Variants in DNMT3B observed in about 807,000 individuals in gnomAD.
DNMT3B encodes the protein DNA (cytosine-5)-methyltransferase 3B.
In DNMT3B, 37 loss-of-function variants were observed where a neutral mutation model predicts 120.2. The observed-to-expected ratio is 0.31, with a 90% confidence interval of 0.24 to 0.40. The LOEUF is 0.40. Among genes scored for constraint, DNMT3B ranks in the 10% least tolerant of loss-of-function variants. DNMT3B has a pLI of 1.00. For synonymous variants in DNMT3B, 412 were observed against 442.8 expected (o/e 0.93, Z 0.87); for missense variants, 878 against 1,137.3 (o/e 0.77, Z 3.28).
intron 17 of DNMT3B, among the ~76,000 whole-genome samples, chr20:32,800,598 A>G (rs1981214087): frequency 6.6e-6 from 1 of 152,174 alleles, no homozygotes; most frequent in Non-Finnish European, 1.5e-5. Context: ...TGCTGGGATT[A>G]CAGGCACCTG....
intron 1 of DNMT3B, among the ~76,000 whole-genome samples, chr20:32,773,189 G>A (rs113976970): frequency 0.019 from 2,886 of 151,050 alleles, 75 homozygotes; most frequent in African/African-American, 0.059. Flanking sequence ...TCACTGCGAC[G>A]TCCACCTCCC....
At chr20:32,768,215 G>C (rs1987502660) in intron 1 of DNMT3B, among the ~76,000 whole-genome samples, 1 of 140,770 alleles carries the variant, frequency 7.1e-6, no homozygotes, top group African/African-American at 2.7e-5. Context: ...TTTTTTTGGA[G>C]ATGGAGTTTC....
chr20:32,788,784 T>C, intron 6 of DNMT3B, 70 bp from the exon 7 acceptor site: 1 of 1,597,950 alleles, frequency 6.3e-7, no homozygotes, highest in Non-Finnish European at 8.6e-7. Flanking sequence ...TCAGGGACAG[T>C]GGAGTGGACA....
intron 20 of DNMT3B, among the ~76,000 whole-genome samples, chr20:32,804,937 C>A (rs1981800234): frequency 6.6e-6 from 1 of 152,080 alleles, no homozygotes; most frequent in South Asian, 2.1e-4. Flanking sequence ...ATAATTGTAT[C>A]AGGTAGACCC....
intron 1 of DNMT3B, among the ~76,000 whole-genome samples, chr20:32,777,534 C>G (rs1988127286): frequency 6.6e-6 from 1 of 152,174 alleles, no homozygotes; most frequent in South Asian, 2.1e-4. Context: ...GGCCTCTGGT[C>G]TGCTACCAGC....
chr20:32,770,443 C>A (rs1324929930), intron 1 of DNMT3B, among the ~76,000 whole-genome samples: 3 of 152,000 alleles, frequency 2.0e-5, no homozygotes, highest in South Asian at 4.2e-4. Context: ...CATGTGCCAC[C>A]ACCACCAGCT....
chr20:32,774,908 A>C (rs1443493723), intron 1 of DNMT3B, among the ~76,000 whole-genome samples: 1 of 151,780 alleles, frequency 6.6e-6, no homozygotes, highest in Non-Finnish European at 1.5e-5. Flanking sequence ...TTTTTAGTAG[A>C]GACTGGTTAC....
intron 10 of DNMT3B, among the ~76,000 whole-genome samples, chr20:32,793,863 T>G (rs1980285507): frequency 6.6e-6 from 1 of 152,192 alleles, no homozygotes; most frequent in Admixed American, 6.5e-5. Flanking sequence ...CTGATGTCAT[T>G]TTGTCACTAA....
intron 2 of DNMT3B, among the ~76,000 whole-genome samples, chr20:32,780,901 G>T (rs1267232874): frequency 6.6e-6 from 1 of 152,228 alleles, no homozygotes; most frequent in African/African-American, 2.4e-5. Context: ...GGGTTGGAAA[G>T]CCCTGCATTG....
intron 10 of DNMT3B, among the ~76,000 whole-genome samples, chr20:32,794,342 C>CAA (rs140316951): frequency 1.3e-3 from 101 of 79,036 alleles, no homozygotes; most frequent in Non-Finnish European, 1.8e-3. Context: ...GAACCTGTCT[C>CAA]AAAAAAAAAA....
rs751273219 is a variant in DNMT3B, at chr20:32,801,432, G to T, written c.2145+6G>T. On this transcript the variant is annotated splice_donor_region_variant and intron_variant, in intron 19 of 22. Transcript: ENST00000328111. ...ACATCTCACGGTTCCTGGAGGTGAGGGAATCTGGGGACCTGATTGTCACAG... is the reference window on the plus strand; with the variant it reads ...ACATCTCACGGTTCCTGGAGGTGAGTGAATCTGGGGACCTGATTGTCACAG... 2 of 1,613,844 alleles carry T rather than the reference G, an allele frequency of 1.2e-6. No homozygotes were observed. Among genetic ancestry groups the T allele is most frequent in the East Asian group, 2.2e-5 (1 of 44,874 alleles).
rs1164679688 is a variant in DNMT3B at position 32,780,349 on chromosome 20, A to C, written c.26A>C (p.Asn9Thr). The change falls in exon 2 of 23, where the codon AAT (asparagine) becomes ACT (threonine). Residue 9 changes from asparagine (N) to threonine (T), a missense_variant. Physicochemically the swap from Asn to Thr is moderately conservative, Grantham distance 65 (BLOSUM62 0). Coordinates refer to ENST00000328111, the MANE Select transcript of DNMT3B (RefSeq NM_006892.4). Reference protein sequence around the residue: MKGDTRHLNGEEDAGGRED... With the variant: MKGDTRHLTGEEDAGGRED... ...ATGAAGGGAGACACCAGGCATCTCA[A>C]TGGAGAGGAGGACGCCGGCGGGAGG... 1 of 1,613,912 alleles carries C rather than the reference A, an allele frequency of 6.2e-7. No homozygotes were observed. Among genetic ancestry groups the C allele is most frequent in the Non-Finnish European group, 8.5e-7 (1 of 1,179,988 alleles).
intron 18 of DNMT3B, 108 bp downstream of exon 18, chr20:32,801,033 C>A: frequency 7.2e-7 from 1 of 1,391,734 alleles, no homozygotes; most frequent in South Asian, 1.2e-5. Flanking sequence ...AAGTTACTGG[C>A]AGCATCAGGG....
intron 1 of DNMT3B, among the ~76,000 whole-genome samples, chr20:32,773,134 A>G (rs1987845278): frequency 7.0e-6 from 1 of 141,926 alleles, no homozygotes; most frequent in South Asian, 2.3e-4. Context: ...TTTTTTTGAG[A>G]GGGAGCCTGA....
intron 1 of DNMT3B, among the ~76,000 whole-genome samples, chr20:32,765,750 CTTTTTTTCTT>C (rs1351744514): frequency 1.0e-4 from 11 of 108,440 alleles, no homozygotes; most frequent in South Asian, 3.1e-4. Context: ...TTTATTTTTT[CTTTTTTTCTT>C]TTTTTTTTTT....
chr20:32,792,889 T>G, intron 9 of DNMT3B, 119 bp downstream of exon 9: 1 of 1,458,936 alleles, frequency 6.9e-7, no homozygotes, highest in African/African-American at 1.4e-5. Flanking sequence ...TGGTCTCAAC[T>G]CTGAATGTTG....
intron 11 of DNMT3B, 38 bp from the exon 12 acceptor site, chr20:32,795,611 TC>T: frequency 6.2e-7 from 1 of 1,614,148 alleles, no homozygotes; most frequent in Non-Finnish European, 8.5e-7. Flanking sequence ...TGTACCCGGC[TC>T]CCTGACCTCA....
intron 5 of DNMT3B, among the ~76,000 whole-genome samples, chr20:32,786,981 C>G (rs140889809): frequency 6.6e-6 from 1 of 152,376 alleles, no homozygotes; most frequent in East Asian, 1.9e-4. Context: ...ACATTTCACT[C>G]TCTGAGAGTC....
chr20:32,766,760 GT>G (rs1421730209), intron 1 of DNMT3B, among the ~76,000 whole-genome samples: 1 of 151,732 alleles, frequency 6.6e-6, no homozygotes, highest in Middle Eastern at 3.2e-3. Flanking sequence ...GCCAATTTTT[GT>G]TTTGTAAAGA....
Sources: allele counts gnomAD v4.1 joint callset (sites outside exome capture counted in the v4.1 genomes callset), GRCh38; gene constraint gnomAD v4.1.1; transcripts MANE v1.5; gene names NCBI Gene and HGNC (gene_info 2026-07-23, HGNC 2026-07-21).